The following MACROD2 variants were observed in gnomAD, a reference collection of about 807,000 sequenced individuals.
MACROD2 encodes ADP-ribose glycohydrolase MACROD2.
In MACROD2, 36 loss-of-function variants were observed where a neutral mutation model predicts 70.4. The observed-to-expected ratio is 0.51, with a 90% CI of 0.39 to 0.68. The LOEUF (loss-of-function observed/expected upper bound fraction) is 0.68, where lower values mean the gene tolerates loss of function less well. Among genes scored for constraint, MACROD2 ranks in the 30% least tolerant of loss-of-function variants. The probability of loss-of-function intolerance (pLI) is 0.00; values close to 1 mark genes in which losing one functional copy is unlikely to be tolerated. For missense variants in MACROD2, 496 were observed against 538.4 expected, an observed-to-expected ratio of 0.92 and a Z score of 0.78; for synonymous variants, 172 against 178.8, an observed-to-expected ratio of 0.96 and a Z score of 0.30.
At chr20:15,261,239 G>T (rs1186564594) in intron 6 of MACROD2, among the ~76,000 whole-genome samples, 1 of 151,922 alleles carries the variant, frequency 6.6e-6, no homozygotes, top group African/African-American at 2.4e-5. Context: ...CTTGGAGAAG[G>T]CCAGTTTGGT....
At chr20:15,162,812 A>G (rs1019609595) in intron 5 of MACROD2, among the ~76,000 whole-genome samples, 5 of 152,158 alleles carry the variant, frequency 3.3e-5, no homozygotes, top group Admixed American at 6.5e-5. Flanking sequence ...TTCCTAATAT[A>G]GCATGCATTC....
At chr20:15,994,883 G>A (rs567629561) in intron 15 of MACROD2, among the ~76,000 whole-genome samples, 4 of 152,140 alleles carry the variant, frequency 2.6e-5, no homozygotes, top group South Asian at 4.1e-4. Flanking sequence ...TTGTATCATC[G>A]TGTCCTGACC....
chr20:15,542,911 A>G (rs963122888), intron 8 of MACROD2, among the ~76,000 whole-genome samples: 2 of 152,198 alleles, frequency 1.3e-5, no homozygotes, highest in Non-Finnish European at 2.9e-5. Context: ...TTGTCAAACC[A>G]GAGCAGATGG....
At chr20:14,517,925 G>A (rs1290879377) in intron 4 of MACROD2, among the ~76,000 whole-genome samples, 1 of 151,504 alleles carries the variant, frequency 6.6e-6, no homozygotes, top group African/African-American at 2.4e-5. Flanking sequence ...TGATGTCTTC[G>A]AGACTGTTAT....
At chr20:14,731,347 G>GA (rs1450831411) in intron 5 of MACROD2, among the ~76,000 whole-genome samples, 6 of 152,012 alleles carry the variant, frequency 3.9e-5, no homozygotes, top group African/African-American at 7.3e-5. Context: ...TTCTAATGAG[G>GA]AAAAAACTTA....
At chr20:14,210,736 A>G (rs2081563915) in intron 3 of MACROD2, among the ~76,000 whole-genome samples, 1 of 152,230 alleles carries the variant, frequency 6.6e-6, no homozygotes, top group Non-Finnish European at 1.5e-5. Flanking sequence ...ATTCAAGTGT[A>G]CAAATACAAT....
chr20:14,885,003 T>G (rs903529032), intron 5 of MACROD2, among the ~76,000 whole-genome samples: 3 of 152,254 alleles, frequency 2.0e-5, no homozygotes, highest in African/African-American at 7.2e-5. Context: ...GTCCTGCCTT[T>G]CCAGGACATG....
At chr20:14,381,011 T>C (rs1350596373) in intron 3 of MACROD2, among the ~76,000 whole-genome samples, 3 of 152,196 alleles carry the variant, frequency 2.0e-5, no homozygotes, top group Non-Finnish European at 4.4e-5. Flanking sequence ...AAAGATTTCT[T>C]TGCAAGCTGT....
At chr20:14,719,954 G>A (rs928712598) in intron 5 of MACROD2, among the ~76,000 whole-genome samples, 1 of 152,118 alleles carries the variant, frequency 6.6e-6, no homozygotes, top group African/African-American at 2.4e-5. Flanking sequence ...GGGTATTTGG[G>A]CAGCTCTGGC....
At chr20:15,442,177 G>T (rs899768774) in intron 7 of MACROD2, among the ~76,000 whole-genome samples, 2 of 152,122 alleles carry the variant, frequency 1.3e-5, no homozygotes, top group East Asian at 1.9e-4. Flanking sequence ...AATTTGACAG[G>T]TCTTAGAGAA....
chr20:14,156,842 A>C (rs915358621), intron 3 of MACROD2, among the ~76,000 whole-genome samples: 1 of 152,216 alleles, frequency 6.6e-6, no homozygotes, highest in African/African-American at 2.4e-5. Flanking sequence ...AAATGAAACT[A>C]CTTTGCAATA....
intron 4 of MACROD2, among the ~76,000 whole-genome samples, chr20:14,616,753 A>G (rs1043381578): frequency 1.4e-4 from 22 of 152,086 alleles, no homozygotes; most frequent in African/African-American, 5.3e-4. Context: ...TGAACTGATC[A>G]TCCCATAATT....
intron 5 of MACROD2, among the ~76,000 whole-genome samples, chr20:15,123,301 G>T (rs1258330056): frequency 6.6e-6 from 1 of 152,068 alleles, no homozygotes; most frequent in East Asian, 1.9e-4. Flanking sequence ...AGACCAGAAG[G>T]AAGAAATTTT....
chr20:15,366,418 A>C (rs1300908649), intron 6 of MACROD2, among the ~76,000 whole-genome samples: 1 of 152,256 alleles, frequency 6.6e-6, no homozygotes, highest in Non-Finnish European at 1.5e-5. Context: ...TGTTAAAATA[A>C]CATTGACACA....
At chr20:15,641,727 T>C (rs566609064) in intron 8 of MACROD2, among the ~76,000 whole-genome samples, 173 of 152,344 alleles carry the variant, frequency 1.1e-3, no homozygotes, top group African/African-American at 4.1e-3. Flanking sequence ...AAATTATTCA[T>C]CTGAAGACAA....
intron 9 of MACROD2, among the ~76,000 whole-genome samples, chr20:15,878,996 C>T (rs1222206434): frequency 6.6e-6 from 1 of 152,074 alleles, no homozygotes; most frequent in Non-Finnish European, 1.5e-5. Flanking sequence ...AAAACAGCGT[C>T]TATTATGAAA....
chr20:15,475,928 A>T (rs905807492), intron 7 of MACROD2, among the ~76,000 whole-genome samples: 2 of 152,242 alleles, frequency 1.3e-5, no homozygotes, highest in Non-Finnish European at 2.9e-5. Flanking sequence ...GGAGAAGAAA[A>T]TGTTCTTCGT....
intron 5 of MACROD2, among the ~76,000 whole-genome samples, chr20:15,218,964 T>G (rs1219867521): frequency 6.6e-6 from 1 of 151,956 alleles, no homozygotes; most frequent in Non-Finnish European, 1.5e-5. Context: ...GAGAATGGCA[T>G]GAACCCGGGA....
chr20:15,371,885 T>C (rs773267099), intron 6 of MACROD2, among the ~76,000 whole-genome samples: 1 of 152,218 alleles, frequency 6.6e-6, no homozygotes. Flanking sequence ...TAATTTGGTA[T>C]GTATAATTCC....
Sources: allele counts gnomAD v4.1 joint callset (sites outside exome capture counted in the v4.1 genomes callset), GRCh38; gene constraint gnomAD v4.1.1; transcripts MANE v1.5; gene names NCBI Gene and HGNC (gene_info 2026-07-23, HGNC 2026-07-21).